Variants in NOP14 observed in about 807,000 individuals in gnomAD.
NOP14 encodes the protein nucleolar protein 14.
In NOP14, 57 loss-of-function variants were observed where a neutral mutation model predicts 101.6. The ratio of observed to expected loss-of-function variants is 0.56; its 90% CI spans 0.45 to 0.70. NOP14 has a LOEUF of 0.70. Among genes scored for constraint, NOP14 ranks in the 30% least tolerant of loss-of-function variants. The pLI is 0.00. For missense variants in NOP14, 1,134 were observed against 1,075.5 expected (o/e 1.05, Z -0.76); for synonymous variants, 428 against 424.0 (o/e 1.01, Z -0.12).
At position 2,939,333 on chromosome 4, in the gene NOP14, C is replaced by G; in HGVS notation, c.2329G>C (p.Gly777Arg). The change falls in exon 17 of 18, where the codon GGA becomes CGA. Residue 777 changes from glycine to arginine, a missense_variant. Coordinates refer to ENST00000416614, the MANE Select transcript of NOP14 (RefSeq NM_001291978.2). ...TCCTTACTACTGCCTTGTTTTCTTCCAAACTCGAGGCTACAACCAGAAAGC... is the reference window on the plus strand; with the variant it reads ...TCCTTACTACTGCCTTGTTTTCTTCGAAACTCGAGGCTACAACCAGAAAGC... Reference protein sequence around the residue: ...TPRLVKVLEFGRKQGSSKEEQ... With the variant: ...TPRLVKVLEFRRKQGSSKEEQ... The G allele has an allele frequency of 6.2e-7, 1 of 1,614,044 alleles. No homozygotes were observed. The highest frequency in any genetic ancestry group is 2.2e-5 in the East Asian group (1 of 44,888).
intron 12 of NOP14, among the ~76,000 whole-genome samples, chr4:2,944,773 A>G (rs1347158014): frequency 1.2e-4 from 18 of 152,244 alleles, no homozygotes; most frequent in Admixed American, 1.2e-3. Flanking sequence ...CTAAGCATGT[A>G]CCAATCACAT....
rs1395265189 is a variant in NOP14, at chr4:2,949,860, A to G, written c.1282+74T>C. Reference sequence around the variant, plus strand: ...TCCACAAATGCAACCCCTGGGAGGGAGACGAACACACACAGCTATGGCCAG... The same window carrying G: ...TCCACAAATGCAACCCCTGGGAGGGGGACGAACACACACAGCTATGGCCAG... On this transcript the variant is annotated intron_variant, in intron 8 of 17. Coordinates refer to ENST00000416614, the MANE Select transcript of NOP14 (RefSeq NM_001291978.2). 7.7e-6 allele frequency: 12 copies of G among 1,551,990 alleles called. No individual in the cohort carries two copies. In the East Asian group the frequency reaches 2.5e-4, roughly 32 times the overall value.
In NOP14 at chr4:2,946,521, A is replaced by G. The variant is rs761213652; in HGVS notation, c.1526T>C (p.Phe509Ser). 1.2e-6 allele frequency: 2 copies of G among 1,614,178 alleles called. No homozygotes were observed. Among genetic ancestry groups the G allele is most frequent in the South Asian group, 2.2e-5 (2 of 91,080 alleles). Residue 509 changes from phenylalanine (F) to serine (S), a missense_variant, in exon 11 of 18, where the codon TTT (phenylalanine) becomes TCT (serine). By Grantham distance (155) the Phe-to-Ser change is radical. Transcript: ENST00000416614. The stretch of plus-strand genomic sequence containing the variant: ...GATAGCGTCACTTGCAGATTCAGGA[A>G]ACATCTGGCAAAGATGATATAAGTG... Reference protein sequence around the residue: ...VVHLYHLCQMFPESASDAIKF... With the variant: ...VVHLYHLCQMSPESASDAIKF...
intron 14 of NOP14, 90 bp downstream of exon 14, chr4:2,942,102 A>G: frequency 7.3e-7 from 1 of 1,364,738 alleles, no homozygotes. Context: ...CAAGTTCACT[A>G]AGAACAGCAC....
In NOP14 at chr4:2,957,754, C is replaced by A; in HGVS notation, c.196-14G>T. 2 of 1,610,786 alleles carry A rather than the reference C, an allele frequency of 1.2e-6. No homozygotes were observed. The highest frequency in any genetic ancestry group is 1.1e-5 in the South Asian group (1 of 90,946). On this transcript the variant is annotated splice_polypyrimidine_tract_variant and intron_variant, in intron 1 of 17. Coordinates refer to ENST00000416614, the MANE Select transcript of NOP14 (RefSeq NM_001291978.2). ...AGTCTGTGTACGCTGGAAAACAGGT[C>A]AGAAACAATCTCACAAAAAATTCTT...
chr4:2,958,338 T>C (rs1387626391), intron 1 of NOP14, among the ~76,000 whole-genome samples: 2 of 152,212 alleles, frequency 1.3e-5, no homozygotes, highest in Non-Finnish European at 2.9e-5. Flanking sequence ...GTATTCAAAG[T>C]TGGCTGTCCT....
intron 10 of NOP14, chr4:2,947,191 G>C: frequency 2.7e-6 from 1 of 367,010 alleles, no homozygotes; most frequent in Non-Finnish European, 5.0e-6. Flanking sequence ...GGTGTCTACC[G>C]TGCTTTCCAA....
intron 7 of NOP14, chr4:2,950,535 ACAG>A: frequency 2.6e-6 from 1 of 381,550 alleles, no homozygotes; most frequent in Non-Finnish European, 4.8e-6. Context: ...AGGAGTGTCT[ACAG>A]CACCTTCTGC....
intron 7 of NOP14, 52 bp from the exon 8 acceptor site, chr4:2,950,265 G>C (rs1714934994): frequency 5.7e-6 from 9 of 1,585,030 alleles, no homozygotes; most frequent in Non-Finnish European, 7.7e-6. Context: ...AGACAACGCT[G>C]GACCATCTCA....
In NOP14 at chr4:2,939,085, G is replaced by A; in HGVS notation, c.2474+103C>T. On this transcript the variant is annotated intron_variant, in intron 17 of 17. Transcript: ENST00000416614. ...TGCCTGGCTCCAACCCCCAGCCAGA[G>A]CCAAGGCTGTGGGATGCCAGGTGCC... 1.9e-6 allele frequency: 3 copies of A among 1,556,586 alleles called. No individual in the cohort carries two copies. The South Asian group carries it at 3.5e-5, about 18-fold the overall frequency.
intron 12 of NOP14, among the ~76,000 whole-genome samples, chr4:2,944,754 A>G (rs16843629): frequency 0.28 from 42,368 of 152,182 alleles, 6,149 homozygotes; most frequent in Non-Finnish European, 0.3. Flanking sequence ...AGAGCGTACG[A>G]TTACTGCACT....
chr4:2,939,154 C>G (rs1045774068), intron 17 of NOP14, 34 bp downstream of exon 17: 4 of 1,612,350 alleles, frequency 2.5e-6, no homozygotes, highest in Non-Finnish European at 3.4e-6. Flanking sequence ...CTGAGTGACA[C>G]CACAATCGTG....
intron 3 of NOP14, 84 bp from the exon 4 acceptor site, chr4:2,954,647 C>A: frequency 2.7e-6 from 4 of 1,492,072 alleles, no homozygotes; most frequent in Non-Finnish European, 3.6e-6. Context: ...CCAGTGCTTC[C>A]CCCATAGTGG....
chr4:2,946,737 C>A, intron 10 of NOP14, 190 bp from the exon 11 acceptor site: 1 of 586,020 alleles, frequency 1.7e-6, no homozygotes, highest in Admixed American at 3.0e-5. Flanking sequence ...TCGGCCATAA[C>A]ATTATGGACT....
intron 15 of NOP14, 26 bp from the exon 16 acceptor site, chr4:2,939,671 T>G: frequency 6.4e-7 from 1 of 1,553,242 alleles, no homozygotes; most frequent in South Asian, 1.1e-5. Context: ...TCCCCGACTC[T>G]GCGATGACTC....
chr4:2,954,362 A>G (rs545581957), intron 4 of NOP14, 62 bp downstream of exon 4: 616 of 1,572,118 alleles, frequency 3.9e-4, no homozygotes, highest in Non-Finnish European at 5.1e-4. Flanking sequence ...AAAAAGCTCA[A>G]ACACATTTTG....
intron 1 of NOP14, among the ~76,000 whole-genome samples, chr4:2,960,446 C>T (rs940990948): frequency 1.3e-5 from 2 of 152,004 alleles, no homozygotes; most frequent in Non-Finnish European, 2.9e-5. Flanking sequence ...AGCCCTTAGG[C>T]TATAAATACG....
chr4:2,962,177 T>G (rs1716035294), intron 1 of NOP14, among the ~76,000 whole-genome samples: 1 of 152,146 alleles, frequency 6.6e-6, no homozygotes, highest in South Asian at 2.1e-4. Flanking sequence ...CCACGAGGGG[T>G]AGGATGTATA....
chr4:2,956,452 A>G (rs1715347729), intron 3 of NOP14, among the ~76,000 whole-genome samples: 2 of 152,140 alleles, frequency 1.3e-5, no homozygotes, highest in Non-Finnish European at 2.9e-5. Flanking sequence ...GGCCCATAAA[A>G]GCATCTATCT....
Sources: gnomAD v4.1 joint callset for allele counts (sites outside exome capture counted in the v4.1 genomes callset) on GRCh38, gnomAD v4.1.1 for gene constraint, MANE v1.5 for transcripts, NCBI Gene and HGNC (gene_info 2026-07-23, HGNC 2026-07-21) for gene names.